The following LIMCH1 variants were observed in gnomAD, a reference collection of about 807,000 sequenced individuals.
LIMCH1 encodes LIM and calponin homology domains 1.
A neutral mutation model predicts 176.5 loss-of-function variants in LIMCH1; 113 were observed. The ratio of observed to expected loss-of-function variants is 0.64; its 90% CI spans 0.55 to 0.75. LIMCH1 has a LOEUF of 0.75. Ranked by LOEUF, LIMCH1 falls within the 30% of genes least tolerant of loss-of-function variation. The pLI is 0.00. For synonymous variants in LIMCH1, 619 were observed against 645.9 expected (o/e 0.96, Z 0.63); for missense variants, 1,674 against 1,814.9 (o/e 0.92, Z 1.41).
chr4:41,577,716 A>C (rs112919452), intron 1 of LIMCH1, among the ~76,000 whole-genome samples: 95 of 152,316 alleles, frequency 6.2e-4, no homozygotes, highest in African/African-American at 8.9e-4. Context: ...AGTGTGAGCT[A>C]CCACGCCTTG....
chr4:41,644,792 C>G (rs2093992628), intron 15 of LIMCH1, among the ~76,000 whole-genome samples, 166 bp downstream of exon 15: 1 of 152,020 alleles, frequency 6.6e-6, no homozygotes, highest in Admixed American at 6.5e-5. Flanking sequence ...TGAGTAGCAG[C>G]GTGAAGGTAT....
chr4:41,641,950 A>G (rs911596605), intron 14 of LIMCH1, among the ~76,000 whole-genome samples: 13 of 152,212 alleles, frequency 8.5e-5, no homozygotes, highest in African/African-American at 2.9e-4. Flanking sequence ...GTGGGAGTAG[A>G]GATGGGAACG....
chr4:41,690,260 C>A (rs1248229444), intron 30 of LIMCH1, among the ~76,000 whole-genome samples: 3 of 152,160 alleles, frequency 2.0e-5, no homozygotes, highest in Admixed American at 6.5e-5. Context: ...AGGGCAGGGA[C>A]CATGTCTGTC....
intron 1 of LIMCH1, among the ~76,000 whole-genome samples, chr4:41,420,375 A>G (rs1027149189): frequency 3.3e-5 from 5 of 152,222 alleles, no homozygotes; most frequent in Non-Finnish European, 4.4e-5. Flanking sequence ...TATCATCTGT[A>G]TAAAAATCTG....
intron 1 of LIMCH1, among the ~76,000 whole-genome samples, chr4:41,486,242 C>T (rs893527244): frequency 2.6e-5 from 4 of 152,152 alleles, no homozygotes; most frequent in East Asian, 1.9e-4. Context: ...CTAAGCTTCC[C>T]GTTCTCCTAA....
At chr4:41,517,159 G>A (rs1045632136) in intron 2 of LIMCH1, among the ~76,000 whole-genome samples, 3 of 152,234 alleles carry the variant, frequency 2.0e-5, no homozygotes, top group South Asian at 2.1e-4. Context: ...GAGGACTTCC[G>A]GGTGTCAACA....
At chr4:41,476,067 G>A (rs1375595067) in intron 1 of LIMCH1, among the ~76,000 whole-genome samples, 2 of 152,148 alleles carry the variant, frequency 1.3e-5, no homozygotes, top group Non-Finnish European at 2.9e-5. Context: ...GAACTCCTGG[G>A]CTCAAGTGAT....
In LIMCH1 at chr4:41,586,863, A is replaced by T. The variant is rs1250310926; in HGVS notation, c.-240-12057A>T. ...GGTCATGAGTCTGGAATCCAGAAAG[A>T]GATAAAATCAAGGTGCAAGAGCCAA... On this transcript the variant is annotated intron_variant, in intron 1 of 31. Transcript: ENST00000503057. 2.6e-5 allele frequency among the ~76,000 whole-genome samples: 4 copies of T among 152,202 alleles called. No individual in the cohort carries two copies. The South Asian group carries it at 8.3e-4, about 32-fold the overall frequency.
chr4:41,428,231 T>G, intron 1 of LIMCH1, among the ~76,000 whole-genome samples: 1 of 152,128 alleles, frequency 6.6e-6, no homozygotes, highest in East Asian at 1.9e-4. Flanking sequence ...GTTGGTTTGG[T>G]TTCAAATCAT....
At chr4:41,373,545 T>C (rs1486380168) in intron 1 of LIMCH1, among the ~76,000 whole-genome samples, 1 of 152,236 alleles carries the variant, frequency 6.6e-6, no homozygotes, top group Non-Finnish European at 1.5e-5. Flanking sequence ...AGCTAACATT[T>C]ATGAGAGCTT....
intron 22 of LIMCH1, among the ~76,000 whole-genome samples, chr4:41,674,243 ACCG>A (rs2095144057): frequency 1.3e-5 from 2 of 152,074 alleles, no homozygotes; most frequent in African/African-American, 2.4e-5. Flanking sequence ...TCCTGAGAGC[ACCG>A]CCTAGTGAAA....
chr4:41,628,654 C>G (rs556423047), intron 8 of LIMCH1, among the ~76,000 whole-genome samples: 4 of 152,188 alleles, frequency 2.6e-5, no homozygotes, highest in African/African-American at 9.6e-5. Flanking sequence ...TTTCAAGAAG[C>G]ATATTTAGTT....
intron 18 of LIMCH1, among the ~76,000 whole-genome samples, chr4:41,660,619 A>T (rs1256171035): frequency 6.6e-6 from 1 of 152,218 alleles, no homozygotes; most frequent in Non-Finnish European, 1.5e-5. Context: ...AGTTTATGTG[A>T]TGGGAAGAAC....
At chr4:41,531,263 C>T (rs2077253099) in intron 3 of LIMCH1, among the ~76,000 whole-genome samples, 1 of 152,004 alleles carries the variant, frequency 6.6e-6, no homozygotes, top group Non-Finnish European at 1.5e-5. Flanking sequence ...AGGAAGTGGC[C>T]TTTTTGAAAA....
At chr4:41,679,637 C>T (rs1159669850) in intron 23 of LIMCH1, among the ~76,000 whole-genome samples, 1 of 152,126 alleles carries the variant, frequency 6.6e-6, no homozygotes, top group Non-Finnish European at 1.5e-5. Flanking sequence ...CGCAGCAATG[C>T]ATTTCTATTA....
chr4:41,497,568 C>G (rs2072424608), intron 2 of LIMCH1, among the ~76,000 whole-genome samples: 1 of 152,256 alleles, frequency 6.6e-6, no homozygotes, highest in South Asian at 2.1e-4. Context: ...CTTTGGGAGG[C>G]AGGGGCAGAT....
At chr4:41,432,951 C>A (rs571306232) in intron 1 of LIMCH1, among the ~76,000 whole-genome samples, 5 of 152,114 alleles carry the variant, frequency 3.3e-5, no homozygotes, top group Non-Finnish European at 7.4e-5. Flanking sequence ...GGGTTAATAC[C>A]CTGGAATTTC....
At chr4:41,540,734 A>G (rs1445805423) in intron 1 of LIMCH1, among the ~76,000 whole-genome samples, 7 of 152,172 alleles carry the variant, frequency 4.6e-5, no homozygotes, top group Admixed American at 4.6e-4. Context: ...AAAAAGAATA[A>G]TAAAATGGAT....
chr4:41,474,215 G>A lies in LIMCH1; in HGVS notation c.97-20321G>A, dbSNP rs185288940. Among the ~76,000 whole-genome samples the A allele has an allele frequency of 1.6e-3, 231 of 144,420 alleles. 2 individuals are homozygous for A. Among genetic ancestry groups the A allele is most frequent in the Middle Eastern group, 4.8e-3 (1 of 208 alleles). The allele number at this position is 144,420 out of a possible 152,430, so 94.7% of individuals were successfully genotyped here. ...TAAAAACAAAAATGGGTGGTCAGGC[G>A]CGGTGGCTCACGCCTGTAATCCCAG... On this transcript the variant is annotated intron_variant, in intron 1 of 26. Coordinates refer to the LIMCH1 transcript ENST00000313860.
Sources: allele counts gnomAD v4.1 joint callset (sites outside exome capture counted in the v4.1 genomes callset), GRCh38; gene constraint gnomAD v4.1.1; transcripts MANE v1.5; gene names NCBI Gene and HGNC (gene_info 2026-07-23, HGNC 2026-07-21).